Variants in BRD4 observed in about 807,000 individuals in gnomAD.
BRD4 encodes the protein bromodomain-containing protein 4.
Under a neutral mutation model 142.1 loss-of-function variants are expected in BRD4, and 16 were observed. The ratio of observed to expected loss-of-function variants is 0.11; its 90% CI spans 0.08 to 0.17. The LOEUF is 0.17. Among genes scored for constraint, BRD4 ranks in the 10% least tolerant of loss-of-function variants. The pLI is 1.00. For missense variants in BRD4, 1,424 were observed against 1,810.9 expected, an observed-to-expected ratio of 0.79 and a Z score of 3.88; for synonymous variants, 833 against 707.5, an observed-to-expected ratio of 1.18 and a Z score of -2.82.
chr19:15,278,303 G>C (rs995730443), intron 1 of BRD4, among the ~76,000 whole-genome samples: 7 of 151,664 alleles, frequency 4.6e-5, no homozygotes, highest in Admixed American at 1.3e-4. Flanking sequence ...GGGAAAACGA[G>C]GTAGGCAGAT....
At chr19:15,285,554 G>A (rs1451417574) in intron 1 of BRD4, among the ~76,000 whole-genome samples, 1 of 151,610 alleles carries the variant, frequency 6.6e-6, no homozygotes, top group Non-Finnish European at 1.5e-5. Flanking sequence ...GACAGAGTGA[G>A]ACCCCATCTC....
rs1244883118 is a variant in BRD4 at position 15,254,266 on chromosome 19, C to T, written c.2048-4G>A. ...GCAATCACATCAACTTTCTCAGCTG[C>T]AATCCAAGCAATGGGAGCTGGTCAG... is the stretch of plus-strand genomic sequence containing the variant. On this transcript the variant is annotated splice_polypyrimidine_tract_variant and splice_region_variant and intron_variant, in intron 10 of 19. Transcript: ENST00000679869. The T allele has an allele frequency of 6.2e-7, 1 of 1,612,792 alleles. No individual in the cohort carries two copies.
chr19:15,306,443 A>AT (rs528968437), intron 1 of BRD4, among the ~76,000 whole-genome samples: 12 of 151,176 alleles, frequency 7.9e-5, no homozygotes, highest in Non-Finnish European at 5.9e-5. Context: ...TACTTTTTCC[A>AT]TTTTTTTTAT....
At chr19:15,241,359 T>C (rs1201416063) in intron 14 of BRD4, among the ~76,000 whole-genome samples, 1 of 152,226 alleles carries the variant, frequency 6.6e-6, no homozygotes, top group African/African-American at 2.4e-5. Context: ...CTGTGGTTTA[T>C]AGAAACCACC....
intron 9 of BRD4, among the ~76,000 whole-genome samples, 182 bp from the exon 10 acceptor site, chr19:15,255,774 A>T (rs1360805227): frequency 6.6e-6 from 1 of 152,188 alleles, no homozygotes; most frequent in African/African-American, 2.4e-5. Flanking sequence ...GACCGAAGCA[A>T]ACTGTGACTG....
chr19:15,235,919 G>A lies in BRD4; in HGVS notation c.*2458C>T, dbSNP rs2047188947. The A allele has an allele frequency of 6.6e-6, 1 of 152,262 alleles. No individual in the cohort carries two copies. The highest frequency in any genetic ancestry group is 6.5e-5 in the Admixed American group (1 of 15,286). The allele number at this position is 152,262 out of a possible 1,614,324, so 9.4% of individuals were successfully genotyped here. A position where few individuals can be genotyped will look rare whatever the true frequency, so the allele number is the denominator to read the frequency against. On this transcript the variant is annotated 3_prime_UTR_variant, in exon 20 of 20. Coordinates refer to ENST00000679869, the MANE Select transcript of BRD4 (RefSeq NM_001379291.1). ...TATCCAGCTCAGCAGTTGGACCCAG[G>A]CTGGGGAAGTGTCTGAACAAAACAA...
chr19:15,331,220 G>A (rs2048154423), intron 1 of BRD4, among the ~76,000 whole-genome samples: 1 of 152,214 alleles, frequency 6.6e-6, no homozygotes, highest in African/African-American at 2.4e-5. Flanking sequence ...AGAAGCACAT[G>A]ACTCATGCAC....
intron 1 of BRD4, among the ~76,000 whole-genome samples, chr19:15,285,267 T>C (rs936008291): frequency 6.6e-6 from 1 of 152,204 alleles, no homozygotes; most frequent in African/African-American, 2.4e-5. Context: ...ACTATCACAC[T>C]CGTATGGAAC....
At chr19:15,314,321 G>A (rs979734721) in intron 1 of BRD4, among the ~76,000 whole-genome samples, 4 of 152,136 alleles carry the variant, frequency 2.6e-5, no homozygotes, top group Admixed American at 2.6e-4. Context: ...CAAGAACAGA[G>A]GACAAAACTA....
chr19:15,305,438 T>C (rs2047905669), intron 1 of BRD4, among the ~76,000 whole-genome samples: 1 of 152,240 alleles, frequency 6.6e-6, no homozygotes, highest in Non-Finnish European at 1.5e-5. Context: ...TTCACCTCCT[T>C]GTGCATGTCC....
chr19:15,274,959 A>C (rs1160675113), intron 1 of BRD4, among the ~76,000 whole-genome samples: 2 of 152,006 alleles, frequency 1.3e-5, no homozygotes, highest in Non-Finnish European at 2.9e-5. Context: ...TCCAGGGTCA[A>C]GTGATTCTCC....
chr19:15,321,114 A>AT (rs2048057687), intron 1 of BRD4, among the ~76,000 whole-genome samples: 1 of 152,078 alleles, frequency 6.6e-6, no homozygotes, highest in African/African-American at 2.4e-5. Flanking sequence ...CATGCCTCTA[A>AT]TCCCAGCTAC....
intron 1 of BRD4, among the ~76,000 whole-genome samples, chr19:15,324,513 T>G (rs554450523): frequency 6.6e-6 from 1 of 152,290 alleles, no homozygotes; most frequent in East Asian, 1.9e-4. Flanking sequence ...CTGCCAAAAT[T>G]ACTCTACCAA....
In BRD4 at chr19:15,239,615, C is replaced by A; in HGVS notation, c.3445+44G>T. On this transcript the variant is annotated intron_variant, in intron 16 of 19. Coordinates refer to ENST00000679869, the MANE Select transcript of BRD4 (RefSeq NM_001379291.1). The surrounding 1 kb of genome is among the most constrained non-coding windows in gnomAD (Gnocchi z 7.4). ...CAGCAAGCTTATGTCCAACACGGGCCTCGGGGGGCCTGAGCCCTGGCTGTG... is the reference window on the plus strand; with the variant it reads ...CAGCAAGCTTATGTCCAACACGGGCATCGGGGGGCCTGAGCCCTGGCTGTG... 1 of 1,557,490 alleles carries A rather than the reference C, an allele frequency of 6.4e-7. No homozygotes were observed. The highest frequency in any genetic ancestry group is 1.2e-5 in the South Asian group (1 of 83,618).
chr19:15,304,622 A>G (rs1431181605), intron 1 of BRD4, among the ~76,000 whole-genome samples: 1 of 152,182 alleles, frequency 6.6e-6, no homozygotes, highest in Non-Finnish European at 1.5e-5. Flanking sequence ...TTCCCAGTTA[A>G]GCGCCAACTT....
intron 1 of BRD4, among the ~76,000 whole-genome samples, chr19:15,300,169 CGG>C (rs991824362): frequency 6.6e-5 from 10 of 151,950 alleles, no homozygotes; most frequent in African/African-American, 2.4e-4. Context: ...CGCTTGAACC[CGG>C]GAGGCAGAGG....
intron 1 of BRD4, among the ~76,000 whole-genome samples, chr19:15,288,561 A>G (rs2047757371): frequency 3.3e-5 from 5 of 152,176 alleles, no homozygotes; most frequent in African/African-American, 1.2e-4. Flanking sequence ...AAGCCCATCC[A>G]CACCCTCCGC....
chr19:15,254,000 A>C, intron 11 of BRD4, 152 bp downstream of exon 11: 1 of 730,138 alleles, frequency 1.4e-6, no homozygotes, highest in Non-Finnish European at 2.3e-6. Flanking sequence ...GGCCCCAGGG[A>C]GACAGTTAAC....
chr19:15,330,873 C>T (rs1444890853), intron 1 of BRD4, among the ~76,000 whole-genome samples: 2 of 152,162 alleles, frequency 1.3e-5, no homozygotes, highest in African/African-American at 2.4e-5. Flanking sequence ...GCTTTCTTTA[C>T]AACTTCCAAA....
Sources: gnomAD v4.1 joint callset for allele counts (sites outside exome capture counted in the v4.1 genomes callset) on GRCh38, gnomAD v4.1.1 for gene constraint, Gnocchi (gnomAD v3.1) non-coding constraint, MANE v1.5 for transcripts, NCBI Gene and HGNC (gene_info 2026-07-23, HGNC 2026-07-21) for gene names.